The following GGT1 variants were observed in gnomAD, a reference collection of about 807,000 sequenced individuals.
GGT1 encodes glutathione hydrolase 1 proenzyme.
In GGT1, 21 loss-of-function variants were observed where a neutral mutation model predicts 56.0. The ratio of observed to expected loss-of-function variants is 0.38; its 90% CI spans 0.27 to 0.54. The LOEUF (loss-of-function observed/expected upper bound fraction) is 0.54. GGT1 is among the 20% of genes least tolerant of loss of function. GGT1 has a pLI of 0.82. For missense variants in GGT1, 466 were observed against 787.0 expected (o/e 0.59, Z 4.88); for synonymous variants, 238 against 342.6 (o/e 0.69, Z 3.37).
At chr22:24,604,056 CTG>C (rs1275129395) in intron 1 of GGT1, among the ~76,000 whole-genome samples, 1 of 152,038 alleles carries the variant, frequency 6.6e-6, no homozygotes, top group African/African-American at 2.4e-5. Flanking sequence ...AGGGTGGAAA[CTG>C]TGAGAGACAG....
At chr22:24,589,192 C>CCA in the GGT1 span, 1 of 1,200,764 alleles carries the variant, frequency 8.3e-7, no homozygotes, top group Non-Finnish European at 1.1e-6. Context: ...CTGGTCACAG[C>CCA]CACACATCCT....
chr22:24,598,965 CTA>C (rs2045739383), upstream of GGT1, among the ~76,000 whole-genome samples: 1 of 152,172 alleles, frequency 6.6e-6, no homozygotes, highest in Non-Finnish European at 1.5e-5. Flanking sequence ...CAGGGTCTCT[CTA>C]TGTTTCCCAG....
At chr22:24,613,381 A>T (rs1427159863) in intron 5 of GGT1, among the ~76,000 whole-genome samples, 8 of 152,208 alleles carry the variant, frequency 5.3e-5, no homozygotes, top group Non-Finnish European at 1.2e-4. Flanking sequence ...CCGGGAAAAA[A>T]AATGTTATTA....
At chr22:24,600,093 A>G (rs1009803265), upstream of GGT1, among the ~76,000 whole-genome samples, 39 of 152,274 alleles carry the variant, frequency 2.6e-4, no homozygotes, top group Non-Finnish European at 4.9e-4. Flanking sequence ...CTACCTGTGG[A>G]GGGTGCCTTG....
upstream of GGT1, chr22:24,592,912 C>T: frequency 7.8e-7 from 1 of 1,277,610 alleles, no homozygotes; most frequent in Non-Finnish European, 9.9e-7. Flanking sequence ...CCGCCGCTCG[C>T]GGAGCGTGGA....
chr22:24,598,743 G>A (rs1304430482), upstream of GGT1, among the ~76,000 whole-genome samples: 26 of 152,118 alleles, frequency 1.7e-4, no homozygotes, highest in Admixed American at 1.7e-3. Context: ...TGTAGAGATG[G>A]GGTCTCTCTA....
At chr22:24,594,895 T>A (rs1377936071) in intron 1 of GGT1, 1 of 152,280 alleles carries the variant, frequency 6.6e-6, no homozygotes, top group Non-Finnish European at 1.5e-5. Flanking sequence ...CGGTAAGCCC[T>A]CCTCCTCTTC....
chr22:24,628,098 T>C lies in GGT1; in HGVS notation c.1354T>C (p.Ser452Pro). Residue 452 changes from serine to proline, a missense_variant, in exon 14 of 16, where the codon TCC becomes CCC. Transcript: ENST00000400382. The surrounding 1 kb of genome is among the most constrained non-coding windows in gnomAD (Gnocchi z 5.7). ...GGCCGCAGGGAAGCAGCCGCTCTCG[T>C]CCATGTGCCCGACGATCATGGTGGG... Reference protein sequence around the residue: ...FIQPGKQPLSSMCPTIMVGQD... With the variant: ...FIQPGKQPLSPMCPTIMVGQD... 1 of 1,611,894 alleles carries C rather than the reference T, an allele frequency of 6.2e-7. No individual in the cohort carries two copies. The highest frequency in any genetic ancestry group is 8.5e-7 in the Non-Finnish European group (1 of 1,179,826).
chr22:24,615,200 G>C (rs149356610), intron 7 of GGT1, 73 bp downstream of exon 7: 1 of 1,089,038 alleles, frequency 9.2e-7, no homozygotes, highest in African/African-American at 1.5e-5. Flanking sequence ...TTGCCCACAG[G>C]AGCCTGCTCC....
intron 1 of GGT1, among the ~76,000 whole-genome samples, chr22:24,606,307 G>A (rs1324318287): frequency 6.6e-6 from 1 of 151,140 alleles, no homozygotes; most frequent in Non-Finnish European, 1.5e-5. Context: ...CCCACAACAG[G>A]CCCCAGTGTG....
Position 24,603,764 on chromosome 22 carries a change from C to T in GGT1, c.-429+237C>T, listed in dbSNP as rs1238186005. On this transcript the variant is annotated intron_variant, in intron 1 of 15. Transcript: ENST00000400382. The stretch of plus-strand genomic sequence containing the variant: ...AGGATCTGGCAGCCCTGAGTGGGGG[C>T]GGGGGGTCAGCTCTGGAGTAGAGCC... Among the ~76,000 whole-genome samples the T allele has an allele frequency of 6.0e-5, 8 of 134,310 alleles. No individual in the cohort carries two copies. In the East Asian group the frequency reaches 7.6e-4, roughly 13 times the overall value. The allele number at this position is 134,310 out of a possible 152,430, so 88.1% of individuals were successfully genotyped here.
In GGT1 at chr22:24,624,505, G is replaced by A. The variant is rs911440864; in HGVS notation, c.1020+589G>A. The A allele has an allele frequency of 2.7e-4, 252 of 949,606 alleles. 1 individual carries two copies. The South Asian group carries it at 0.011, about 42-fold the overall frequency. The allele number at this position is 949,606 out of a possible 1,614,324, so 58.8% of individuals were successfully genotyped here. A position where few individuals can be genotyped will look rare whatever the true frequency, so the allele number is the denominator to read the frequency against. On this transcript the variant is annotated intron_variant, in intron 11 of 15. Transcript: ENST00000400382. ...CACACTGACCAGTGACCTCCCAGGA[G>A]GGGCGTCAGCTGCCCAGGTGGTGTC...
At chr22:24,596,567 A>G (rs2045694858) in intron 1 of GGT1, among the ~76,000 whole-genome samples, 1 of 151,894 alleles carries the variant, frequency 6.6e-6, no homozygotes, top group African/African-American at 2.4e-5. Flanking sequence ...TGGGATTATG[A>G]GTGAGTGCCA....
chr22:24,593,786 CAAAA>C (rs34143786), upstream of GGT1, among the ~76,000 whole-genome samples: 198 of 105,266 alleles, frequency 1.9e-3, 1 homozygote, highest in African/African-American at 6.2e-3. Flanking sequence ...AACTCTGTCT[CAAAA>C]AAAAAAAAAA....
intron 1 of GGT1, among the ~76,000 whole-genome samples, chr22:24,605,978 C>A (rs62231211): frequency 7.7e-5 from 3 of 38,942 alleles, no homozygotes; most frequent in Admixed American, 4.9e-4. Context: ...TATAATATAT[C>A]ATATATTATA....
chr22:24,607,704 G>T, intron 1 of GGT1: 1 of 254,814 alleles, frequency 3.9e-6, no homozygotes, highest in Non-Finnish European at 8.0e-6. Context: ...GGGGCTGCTG[G>T]GCACGCCCTG....
At chr22:24,592,570 C>T, upstream of GGT1, 1 of 464,326 alleles carries the variant, frequency 2.2e-6, no homozygotes, top group Non-Finnish European at 4.0e-6. Context: ...CCTCAACACA[C>T]ACAACCCCTC....
chr22:24,616,618 C>T (rs1173365387), intron 7 of GGT1, among the ~76,000 whole-genome samples: 3 of 148,514 alleles, frequency 2.0e-5, no homozygotes, highest in Non-Finnish European at 4.5e-5. Flanking sequence ...GATCTCGGCT[C>T]ACTGCAAGCT....
chr22:24,606,682 T>C (rs1235551013), intron 1 of GGT1, among the ~76,000 whole-genome samples: 22 of 150,744 alleles, frequency 1.5e-4, no homozygotes, highest in East Asian at 1.2e-3. Context: ...CTCACAGTTG[T>C]GTGTCTGGTG....
Sources: allele counts gnomAD v4.1 joint callset (sites outside exome capture counted in the v4.1 genomes callset), GRCh38; gene constraint gnomAD v4.1.1; non-coding constraint Gnocchi (gnomAD v3.1); transcripts MANE v1.5; gene names NCBI Gene and HGNC (gene_info 2026-07-23, HGNC 2026-07-21).